IL21R: variants seen among roughly 807,000 people sequenced by gnomAD.
IL21R encodes the protein interleukin-21 receptor.
In IL21R, 14 loss-of-function variants were observed where a neutral mutation model predicts 41.3. That is an observed-to-expected ratio of 0.34 (90% CI 0.22 to 0.53). The LOEUF is 0.53. Among genes scored for constraint, IL21R ranks in the 20% least tolerant of loss-of-function variants. The pLI, the probability that IL21R is intolerant of heterozygous loss-of-function variation, is 0.94. For missense variants in IL21R, 588 were observed against 681.6 expected, an observed-to-expected ratio of 0.86 and a Z score of 1.53; for synonymous variants, 286 against 287.6, an observed-to-expected ratio of 0.99 and a Z score of 0.05.
At chr16:27,442,909 T>G in intron 4 of IL21R, 53 bp from the exon 5 acceptor site, 1 of 1,523,476 alleles carries the variant, frequency 6.6e-7, no homozygotes, top group Non-Finnish European at 8.9e-7. Context: ...CAAATCCTTT[T>G]CACCTGCAGC....
intron 2 of IL21R, among the ~76,000 whole-genome samples, chr16:27,430,975 C>T (rs544427712): frequency 2.0e-5 from 3 of 152,168 alleles, no homozygotes; most frequent in East Asian, 3.9e-4. Flanking sequence ...GAGGGGGTGA[C>T]GTTAGAAAGC....
intron 2 of IL21R, 132 bp from the exon 3 acceptor site, chr16:27,434,213 CCT>C (rs1352592167): frequency 8.1e-6 from 5 of 615,048 alleles, no homozygotes; most frequent in Non-Finnish European, 8.8e-6. Flanking sequence ...CTAAGCAGCT[CCT>C]GAGTCCTCAT....
rs974534729 is a variant in IL21R at position 27,438,311 on chromosome 16, G to C, written c.352+624G>C. On this transcript the variant is annotated intron_variant, in intron 4 of 8. Transcript: ENST00000337929. The stretch of plus-strand genomic sequence containing the variant: ...TTACAGAAAAAAAAAACCCTCTTGG[G>C]TTTTTTCCCCTTCATAAGCTCCAGG... 5.9e-5 allele frequency among the ~76,000 whole-genome samples: 9 copies of C among 152,174 alleles called. No homozygotes were observed. In the East Asian group the frequency reaches 1.5e-3, roughly 26 times the overall value.
chr16:27,436,146 G>A (rs1452702470), intron 3 of IL21R, among the ~76,000 whole-genome samples: 1 of 152,088 alleles, frequency 6.6e-6, no homozygotes, highest in Non-Finnish European at 1.5e-5. Context: ...CCATGGTTTT[G>A]AGACCCCGGG....
intron 1 of IL21R, 61 bp from the exon 2 acceptor site, chr16:27,429,995 G>A (rs1362610717): frequency 6.4e-6 from 9 of 1,409,004 alleles, no homozygotes; most frequent in Non-Finnish European, 8.9e-6. Flanking sequence ...GACAGGATGA[G>A]GGGGAGGCCG....
At chr16:27,422,028 T>C (rs1451418395) in intron 1 of IL21R, among the ~76,000 whole-genome samples, 1 of 152,086 alleles carries the variant, frequency 6.6e-6, no homozygotes, top group Non-Finnish European at 1.5e-5. Flanking sequence ...ATATTGACCT[T>C]ACTTTTATTT....
chr16:27,422,153 C>A (rs2087009527), intron 1 of IL21R, among the ~76,000 whole-genome samples: 1 of 152,018 alleles, frequency 6.6e-6, no homozygotes, highest in Non-Finnish European at 1.5e-5. Context: ...AAGTCCCCTG[C>A]CAGTCTTATT....
intron 1 of IL21R, among the ~76,000 whole-genome samples, chr16:27,422,414 A>G (rs774863079): frequency 9.2e-5 from 14 of 152,036 alleles, no homozygotes; most frequent in Admixed American, 3.3e-4. Context: ...AAATGCATGT[A>G]TGTTAGATCA....
chr16:27,444,349 G>A (rs965710701), intron 5 of IL21R, among the ~76,000 whole-genome samples, 193 bp from the exon 6 acceptor site: 13 of 152,168 alleles, frequency 8.5e-5, no homozygotes, highest in African/African-American at 2.6e-4. Flanking sequence ...TCACATGCAC[G>A]GGCCAGGCAG....
At chr16:27,429,597 T>C (rs540371237) in intron 1 of IL21R, among the ~76,000 whole-genome samples, 3 of 151,424 alleles carry the variant, frequency 2.0e-5, no homozygotes, top group Admixed American at 6.6e-5. Context: ...CATAGCAAGA[T>C]GCCGTCTCTA....
intron 2 of IL21R, among the ~76,000 whole-genome samples, chr16:27,430,853 A>G (rs1418792667): frequency 6.6e-6 from 1 of 152,182 alleles, no homozygotes; most frequent in Non-Finnish European, 1.5e-5. Flanking sequence ...AAACAAAAAA[A>G]TCGCTAGATT....
intron 1 of IL21R, among the ~76,000 whole-genome samples, chr16:27,426,195 A>G (rs1299657694): frequency 1.3e-5 from 2 of 152,220 alleles, no homozygotes; most frequent in Non-Finnish European, 2.9e-5. Flanking sequence ...CACAAAGCCT[A>G]TAAGTGGCAG....
intron 8 of IL21R, chr16:27,447,707 T>C (rs756444228): frequency 1.3e-5 from 2 of 152,298 alleles, no homozygotes; most frequent in Non-Finnish European, 2.9e-5. Context: ...TACTTTGTGC[T>C]AGGCACTGGG....
intron 1 of IL21R, chr16:27,427,193 T>C (rs1293742543): frequency 6.5e-6 from 4 of 612,592 alleles, no homozygotes. Context: ...GTGTTTTGAT[T>C]GGCCAAGCCT....
Position 27,450,162 on chromosome 16 carries a change from A to G in IL21R, c.*879A>G, listed in dbSNP as rs191475638. 87 of 233,066 alleles carry G rather than the reference A, an allele frequency of 3.7e-4. 1 individual carries two copies. In the East Asian group the frequency reaches 5.2e-3, roughly 14 times the overall value. 14.4% of individuals were successfully genotyped at this position (233,066 alleles called of 1,614,324 possible). A position where few individuals can be genotyped will look rare whatever the true frequency, so the allele number is the denominator to read the frequency against. ...ACCCGCGGGGCCGTCCCGCCTGCAG[A>G]GGGCCACTCGGGGGGGTTTCCAGGC... On this transcript the variant is annotated 3_prime_UTR_variant, in exon 9 of 9. Coordinates refer to ENST00000337929, the MANE Select transcript of IL21R (RefSeq NM_181078.3).
intron 1 of IL21R, among the ~76,000 whole-genome samples, chr16:27,420,334 C>T (rs775221301): frequency 6.6e-6 from 1 of 152,246 alleles, no homozygotes; most frequent in Non-Finnish European, 1.5e-5. Context: ...TATGGGCCCG[C>T]CTATGTACAT....
intron 5 of IL21R, chr16:27,444,003 T>TC (rs1203894683): frequency 6.6e-6 from 1 of 152,016 alleles, no homozygotes; most frequent in African/African-American, 2.4e-5. Context: ...GTGCCATACT[T>TC]TAGAAAGTCC....
chr16:27,437,085 T>C (rs1159153246), intron 3 of IL21R, among the ~76,000 whole-genome samples: 1 of 151,956 alleles, frequency 6.6e-6, no homozygotes, highest in Non-Finnish European at 1.5e-5. Context: ...AAAAAATGGA[T>C]GTTGGACAGA....
chr16:27,415,978 T>C (rs115911906), intron 1 of IL21R, among the ~76,000 whole-genome samples: 1,609 of 152,324 alleles, frequency 0.011, 29 homozygotes, highest in African/African-American at 0.035. Context: ...GAAGTCCTCT[T>C]GTACAATTTG....
Sources: gnomAD v4.1 joint callset for allele counts (sites outside exome capture counted in the v4.1 genomes callset) on GRCh38, gnomAD v4.1.1 for gene constraint, MANE v1.5 for transcripts, NCBI Gene and HGNC (gene_info 2026-07-23, HGNC 2026-07-21) for gene names.